ENTPD7: variants seen among roughly 807,000 people sequenced by gnomAD.
ENTPD7 encodes the protein NTPDase 7.
In ENTPD7, 53 loss-of-function variants were observed where a neutral mutation model predicts 77.9. The ratio of observed to expected loss-of-function variants is 0.68; its 90% confidence interval spans 0.55 to 0.85. The LOEUF (loss-of-function observed/expected upper bound fraction) is 0.85, where lower values mean the gene tolerates loss of function less well. Ranked by LOEUF, ENTPD7 falls within the 40% of genes least tolerant of loss-of-function variation. ENTPD7 has a pLI of 0.00. For missense variants in ENTPD7, 636 were observed against 743.7 expected (o/e 0.86, Z 1.68); for synonymous variants, 248 against 274.9 (o/e 0.90, Z 0.97).
At chr10:99,668,433 G>A (rs2035579030) in intron 3 of ENTPD7, among the ~76,000 whole-genome samples, 1 of 152,152 alleles carries the variant, frequency 6.6e-6, no homozygotes, top group African/African-American at 2.4e-5. Context: ...GTTAATATTA[G>A]AGTTAATCAG....
At position 99,698,560 on chromosome 10, in the gene ENTPD7, G is replaced by A. The variant is rs187682149; in HGVS notation, c.1037G>A (p.Ser346Asn). 3 of 1,614,100 alleles carry A rather than the reference G, an allele frequency of 1.9e-6. No homozygotes were observed. The highest frequency in any genetic ancestry group is 2.2e-5 in the South Asian group (2 of 91,068). ...NRLLGQKTGL[S>N]PDNPFLDPCL... ...TTGCTTGGTCAGAAGACAGGTCTGAGTCCCGACAATCCATTTCTGGATCCC... is the reference window on the plus strand; with the variant it reads ...TTGCTTGGTCAGAAGACAGGTCTGAATCCCGACAATCCATTTCTGGATCCC... The change falls in exon 10 of 13, where the codon AGT becomes AAT. Residue 346 changes from serine to asparagine, a missense_variant. By Grantham distance (46) the Ser-to-Asn change is conservative. Coordinates refer to ENST00000370489, the MANE Select transcript of ENTPD7 (RefSeq NM_020354.5).
chr10:99,703,721 TTTA>T (rs567923270), intron 12 of ENTPD7, among the ~76,000 whole-genome samples: 2 of 152,152 alleles, frequency 1.3e-5, no homozygotes, highest in Admixed American at 1.3e-4. Flanking sequence ...ACCTTTATTT[TTTA>T]TTATTTTTTT....
intron 3 of ENTPD7, among the ~76,000 whole-genome samples, chr10:99,665,740 T>C (rs762799007): frequency 1.3e-5 from 2 of 152,048 alleles, no homozygotes; most frequent in Non-Finnish European, 1.5e-5. Flanking sequence ...GAGGTCTCAC[T>C]ATGTTGCCCA....
chr10:99,695,435 T>C (rs373930881), intron 8 of ENTPD7, among the ~76,000 whole-genome samples: 152 of 152,132 alleles, frequency 1.0e-3, no homozygotes, highest in African/African-American at 3.1e-3. Flanking sequence ...GGCAGCAGAA[T>C]TGCTTGAACC....
intron 4 of ENTPD7, 74 bp downstream of exon 4, chr10:99,679,540 A>G: frequency 6.7e-7 from 1 of 1,495,954 alleles, no homozygotes; most frequent in Admixed American, 2.3e-5. Flanking sequence ...GCAGAAAGCA[A>G]GCTACCCCTT....
chr10:99,698,462 T>A, intron 9 of ENTPD7, 72 bp from the exon 10 acceptor site: 1 of 1,425,254 alleles, frequency 7.0e-7, no homozygotes. Flanking sequence ...TGATGCACAT[T>A]GTGTTTCTTA....
rs77983207 is a variant in ENTPD7, at chr10:99,661,695, G to A, written c.191+67G>A. On this transcript the variant is annotated intron_variant, in intron 3 of 12. Transcript: ENST00000370489. ...TTCATAAGCTGTTTAACACACTACT[G>A]ACTTTGACCCTTTTGGGTGATACTG... is the stretch of plus-strand genomic sequence containing the variant. The A allele has an allele frequency of 7.8e-4, 1,052 of 1,353,842 alleles. 4 individuals carry two copies. The African/African-American group carries it at 0.012, about 15-fold the overall frequency. The allele number at this position is 1,353,842 out of a possible 1,614,324, so 83.9% of individuals were successfully genotyped here. A position where few individuals can be genotyped will look rare whatever the true frequency, so the allele number is the denominator to read the frequency against.
rs574564475 is a variant in ENTPD7, at chr10:99,702,632, G to C, written c.1542G>C (p.Thr514=). 4 of 1,613,422 alleles carry C rather than the reference G, an allele frequency of 2.5e-6. No homozygotes were observed. The highest frequency in any genetic ancestry group is 1.3e-5 in the African/African-American group (1 of 74,884). The change falls in exon 12 of 13, where the codon ACG becomes ACC. Residue 514 remains threonine, a synonymous_variant. Coordinates refer to ENST00000370489, the MANE Select transcript of ENTPD7 (RefSeq NM_020354.5). ...TGTATGACCGAGAGGTTCAGTGGAC[G>C]CTGGGAGCCATTCTATATAAAACAC... is the stretch of plus-strand genomic sequence containing the variant. ...QLVYDREVQW[T]LGAILYKTRF... is the part of the protein sequence containing the mutation.
In ENTPD7 at chr10:99,710,171, T is replaced by C. The variant is rs1482603474; in HGVS notation, c.*5488T>C. 37 of 985,266 alleles carry C rather than the reference T, an allele frequency of 3.8e-5. No homozygotes were observed. The highest frequency in any genetic ancestry group is 3.6e-5 in the Non-Finnish European group (30 of 829,922). The allele number at this position is 985,266 out of a possible 1,614,324, so 61.0% of individuals were successfully genotyped here. ...TCCACTCCAAGGCAGCCCTGGTACTTTCCTAAGTGGCCCCTCCTACAGAGC... is the reference window on the plus strand; with the variant it reads ...TCCACTCCAAGGCAGCCCTGGTACTCTCCTAAGTGGCCCCTCCTACAGAGC... On this transcript the variant is annotated 3_prime_UTR_variant, in exon 13 of 13. Transcript: ENST00000370489.
intron 3 of ENTPD7, among the ~76,000 whole-genome samples, chr10:99,668,836 T>G (rs1197859420): frequency 6.6e-6 from 1 of 152,018 alleles, no homozygotes; most frequent in Non-Finnish European, 1.5e-5. Context: ...TATATTATAT[T>G]CATATATAGA....
Position 99,700,999 on chromosome 10 carries a change from A to G in ENTPD7, c.1362A>G (p.Val454=). ...ATTACTGTGGCATGGCTTGGTCGGT[A>G]CTAACTCAGAGATTCAAGAATGGCC... ...AQDYCGMAWS[V]LTQRFKNGLF... Residue 454 remains valine (V), a synonymous_variant, in exon 11 of 13, where the codon GTA becomes GTG. Transcript: ENST00000370489. The G allele has an allele frequency of 1.2e-6, 2 of 1,614,174 alleles. No homozygotes were observed. The highest frequency in any genetic ancestry group is 1.1e-5 in the South Asian group (1 of 91,080).
In ENTPD7 at chr10:99,691,561, T is replaced by A. The variant is rs374879820; in HGVS notation, c.843+43T>A. 1.1e-5 allele frequency: 17 copies of A among 1,607,446 alleles called. No individual in the cohort carries two copies. The African/African-American group carries it at 2.3e-4, about 21-fold the overall frequency. ...GAAATTTAGTTGCTAGGAATGCTAGTATTTGAGAAGGAAGGACACTGTCTT... is the reference window on the plus strand; with the variant it reads ...GAAATTTAGTTGCTAGGAATGCTAGAATTTGAGAAGGAAGGACACTGTCTT... On this transcript the variant is annotated intron_variant, in intron 8 of 12. Coordinates refer to ENST00000370489, the MANE Select transcript of ENTPD7 (RefSeq NM_020354.5).
At chr10:99,674,893 G>A (rs558955323) in intron 3 of ENTPD7, among the ~76,000 whole-genome samples, 1 of 152,306 alleles carries the variant, frequency 6.6e-6, no homozygotes, top group African/African-American at 2.4e-5. Flanking sequence ...CCACACAATT[G>A]CATTGGAAGA....
At position 99,707,669 on chromosome 10, in the gene ENTPD7, G is replaced by T. The variant is rs973803584; in HGVS notation, c.*2986G>T. 3.9e-5 allele frequency among the ~76,000 whole-genome samples: 6 copies of T among 152,138 alleles called. No homozygotes were observed. Among genetic ancestry groups the T allele is most frequent in the African/African-American group, 1.4e-4 (6 of 41,426 alleles). ...AGGACTCTTGTTATTACTGAGACAG[G>T]TCACAAACATCAAAATAGGAGTCCG... is the stretch of plus-strand genomic sequence containing the variant. On this transcript the variant is annotated 3_prime_UTR_variant, in exon 13 of 13. Transcript: ENST00000370489.
Position 99,685,885 on chromosome 10 carries a change from G to C in ENTPD7, c.642G>C (p.Gly214=). The C allele has an allele frequency of 3.1e-6, 5 of 1,613,324 alleles. No homozygotes were observed. Among genetic ancestry groups the C allele is most frequent in the Non-Finnish European group, 2.5e-6 (3 of 1,179,494 alleles). ...FSQSQAEVIS[G]KQEGVYAWIG... ...AGTCTCAAGCAGAAGTGATCTCTGGGAAGCAGGAAGGTACTGGGCCTTAAG... is the reference window on the plus strand; with the variant it reads ...AGTCTCAAGCAGAAGTGATCTCTGGCAAGCAGGAAGGTACTGGGCCTTAAG... The change falls in exon 6 of 13, where the codon GGG becomes GGC. Residue 214 remains glycine (G), a synonymous_variant. Transcript: ENST00000370489.
chr10:99,695,337 A>G (rs2133490263), intron 8 of ENTPD7, among the ~76,000 whole-genome samples: 1 of 152,216 alleles, frequency 6.6e-6, no homozygotes. Flanking sequence ...ATCCTGGCCA[A>G]CATGGTGAAA....
chr10:99,662,753 C>G (rs1396875351), intron 3 of ENTPD7, among the ~76,000 whole-genome samples: 3 of 152,198 alleles, frequency 2.0e-5, no homozygotes, highest in Non-Finnish European at 4.4e-5. Flanking sequence ...CCCTGGGTAG[C>G]TGCAAGACAG....
intron 9 of ENTPD7, among the ~76,000 whole-genome samples, chr10:99,696,775 T>A (rs1009318921): frequency 6.6e-6 from 1 of 152,194 alleles, no homozygotes; most frequent in Non-Finnish European, 1.5e-5. Flanking sequence ...AAGGAAAGCA[T>A]AAGAGAAAGC....
In ENTPD7 at chr10:99,691,510, G is replaced by A. The variant is rs1408556136; in HGVS notation, c.835G>A (p.Ala279Thr). 2 of 1,613,494 alleles carry A rather than the reference G, an allele frequency of 1.2e-6. No homozygotes were observed. Among genetic ancestry groups the A allele is most frequent in the South Asian group, 2.2e-5 (2 of 91,046 alleles). Residue 279 changes from alanine to threonine, a missense_variant, in exon 8 of 13, where the codon GCA (alanine) becomes ACA (threonine). This residue lies in a region of ENTPD7 where 486 missense variants were observed against 556.5 expected (regional missense o/e 0.87). Transcript: ENST00000370489. Reference sequence around the variant, plus strand: ...TCCTACCTCAACCTCTGTCCTTCCTGCAAAGCAGGTACTTTACCTTTTAGG... The same window carrying A: ...TCCTACCTCAACCTCTGTCCTTCCTACAAAGCAGGTACTTTACCTTTTAGG... ...EVPTSTSVLP[A>T]KQEEAAKILL...
Sources: allele counts gnomAD v4.1 joint callset (sites outside exome capture counted in the v4.1 genomes callset), GRCh38; gene constraint gnomAD v4.1.1; regional missense constraint gnomAD v4.1.1; transcripts MANE v1.5; gene names NCBI Gene and HGNC (gene_info 2026-07-23, HGNC 2026-07-21).